The following PLCZ1 variants were observed in gnomAD, a reference collection of about 807,000 sequenced individuals.
PLCZ1 encodes the protein phospholipase C zeta 1, also known as 1-phosphatidylinositol 4,5-bisphosphate phosphodiesterase zeta-1.
PLCZ1 carries 64 observed loss-of-function variants against 76.8 expected under a neutral mutation model. The observed-to-expected ratio is 0.83, with a 90% CI of 0.68 to 1.03. The LOEUF is 1.03. PLCZ1 is among the 50% of genes least tolerant of loss of function. The pLI, the probability that PLCZ1 is intolerant of heterozygous loss-of-function variation, is 0.00. For synonymous variants in PLCZ1, 248 were observed against 230.8 expected, an observed-to-expected ratio of 1.07 and a Z score of -0.68; for missense variants, 751 against 713.7, an observed-to-expected ratio of 1.05 and a Z score of -0.60.
the PLCZ1 span, among the ~76,000 whole-genome samples, chr12:18,650,724 A>G: frequency 0.011 from 217 of 19,210 alleles, 9 homozygotes; most frequent in African/African-American, 0.094. Context: ...ATATATATAT[A>G]TATATATATA....
At chr12:18,686,876 A>G (rs923219647) in intron 13 of PLCZ1, among the ~76,000 whole-genome samples, 8 of 152,102 alleles carry the variant, frequency 5.3e-5, no homozygotes, top group Non-Finnish European at 8.8e-5. Flanking sequence ...ACCAAATTGA[A>G]TTTCTGCAAG....
At chr12:18,708,659 G>A (rs567100679) in intron 6 of PLCZ1, among the ~76,000 whole-genome samples, 4 of 152,016 alleles carry the variant, frequency 2.6e-5, no homozygotes, top group South Asian at 2.1e-4. Flanking sequence ...CCACGCCCTC[G>A]CCAACATTTG....
At chr12:18,700,538 A>AAAAAAAAAAG (rs1370935394) in intron 9 of PLCZ1, among the ~76,000 whole-genome samples, 10 of 135,918 alleles carry the variant, frequency 7.4e-5, no homozygotes, top group South Asian at 4.7e-4. Flanking sequence ...AAAAAAAAAT[A>AAAAAAAAAAG]GTTGCTCTGC....
intron 7 of PLCZ1, among the ~76,000 whole-genome samples, chr12:18,702,175 T>G (rs1225028922): frequency 6.6e-6 from 1 of 152,062 alleles, no homozygotes; most frequent in Non-Finnish European, 1.5e-5. Flanking sequence ...TTAAAAAGTA[T>G]TAAATGAAAT....
At position 18,699,716 on chromosome 12, in the gene PLCZ1, T is replaced by C. The variant is rs934804342; in HGVS notation, c.1174+78A>G. The C allele has an allele frequency of 5.1e-6, 7 of 1,374,398 alleles. No homozygotes were observed. In the Admixed American group the frequency reaches 1.2e-4, roughly 23 times the overall value. 85.1% of individuals were successfully genotyped at this position (1,374,398 alleles called of 1,614,324 possible). A position where few individuals can be genotyped will look rare whatever the true frequency, so the allele number is the denominator to read the frequency against. ...TATGAGAATATACATTTTATAAATA[T>C]CATTGAGCAATCTTAACACCCTAGC... On this transcript the variant is annotated intron_variant, in intron 10 of 14. Transcript: ENST00000266505.
intron 3 of PLCZ1, among the ~76,000 whole-genome samples, chr12:18,723,915 G>T (rs1958598225): frequency 6.6e-6 from 1 of 152,094 alleles, no homozygotes; most frequent in African/African-American, 2.4e-5. Flanking sequence ...ATATGTCAGA[G>T]TGAGTCAGAC....
chr12:18,729,379 T>A (rs1013492570), intron 3 of PLCZ1, among the ~76,000 whole-genome samples: 6 of 152,108 alleles, frequency 3.9e-5, no homozygotes, highest in Non-Finnish European at 5.9e-5. Flanking sequence ...ATTCCCTGTA[T>A]TACCCACGAG....
the PLCZ1 span, among the ~76,000 whole-genome samples, chr12:18,663,349 ATT>A: frequency 6.6e-6 from 1 of 152,140 alleles, no homozygotes; most frequent in Admixed American, 6.5e-5. Context: ...AACTGTTAGA[ATT>A]AATTAATTTA....
intron 12 of PLCZ1, 101 bp from the exon 13 acceptor site, chr12:18,688,319 T>C (rs1190710696): frequency 8.2e-7 from 1 of 1,220,754 alleles, no homozygotes; most frequent in Non-Finnish European, 1.1e-6. Flanking sequence ...TGATGGACTC[T>C]AAGTCAGCTC....
chr12:18,709,531 C>CT (rs34763581), intron 6 of PLCZ1, among the ~76,000 whole-genome samples: 133,719 of 150,452 alleles, frequency 0.89, 59,511 homozygotes, highest in East Asian at 1. Context: ...AATTTTAGGA[C>CT]TTTTTTTTTA....
At chr12:18,705,345 C>T in intron 6 of PLCZ1, 30 bp from the exon 7 acceptor site, 2 of 1,611,402 alleles carry the variant, frequency 1.2e-6, no homozygotes, top group South Asian at 1.1e-5. Flanking sequence ...TATGGTTATT[C>T]ATCAAAACTT....
At position 18,694,980 on chromosome 12, in the gene PLCZ1, A is replaced by G; in HGVS notation, c.1391T>C (p.Leu464Ser). The G allele has an allele frequency of 6.2e-7, 1 of 1,609,394 alleles. No individual in the cohort carries two copies. Among genetic ancestry groups the G allele is most frequent in the Non-Finnish European group, 8.5e-7 (1 of 1,176,076 alleles). Residue 464 changes from leucine (L) to serine (S), a missense_variant, in exon 12 of 15, where the codon TTA becomes TCA. Leu to Ser is a moderately radical substitution (Grantham distance 145, BLOSUM62 -2). Transcript: ENST00000266505. ...GTTAAAGTATGATTTACTCTCTCTT[A>G]AGAAATGTGGTTTCAAAATATATCC... ...GSGYILKPHF[L>S]RESKSYFNPS...
At chr12:18,647,975 A>G in the PLCZ1 span, 1 of 1,600,398 alleles carries the variant, frequency 6.2e-7, no homozygotes, top group Non-Finnish European at 8.5e-7. Flanking sequence ...CCGACTCTGT[A>G]GTGTCCCACT....
the PLCZ1 span, among the ~76,000 whole-genome samples, chr12:18,674,769 C>G: frequency 3.9e-5 from 6 of 152,110 alleles, no homozygotes; most frequent in African/African-American, 1.2e-4. Context: ...TGTATGACTT[C>G]TGTAATGAGT....
In PLCZ1 at chr12:18,723,494, C is replaced by T. The variant is rs768662327; in HGVS notation, c.184G>A (p.Ala62Thr). ...QGRITIEEFR[A>T]IYRIITHREE... Reference sequence around the variant, plus strand: ...CTGTGCGTGATAATTCGATAAATTGCTCTAAATTCTTCTATGGTGATTCTT... The same window carrying T: ...CTGTGCGTGATAATTCGATAAATTGTTCTAAATTCTTCTATGGTGATTCTT... The change falls in exon 4 of 15, where the codon GCA becomes ACA. Residue 62 changes from alanine (A) to threonine (T), a missense_variant. Ala to Thr is a moderately conservative substitution (Grantham distance 58). Coordinates refer to ENST00000266505, the MANE Select transcript of PLCZ1 (RefSeq NM_033123.4). The T allele has an allele frequency of 6.2e-7, 1 of 1,612,816 alleles. No homozygotes were observed. Among genetic ancestry groups the T allele is most frequent in the South Asian group, 1.1e-5 (1 of 91,058 alleles).
chr12:18,671,585 G>GT, the PLCZ1 span, among the ~76,000 whole-genome samples: 1 of 152,124 alleles, frequency 6.6e-6, no homozygotes, highest in Non-Finnish European at 1.5e-5. Context: ...GATTTCTCAG[G>GT]TGTACTAGGC....
intron 3 of PLCZ1, among the ~76,000 whole-genome samples, chr12:18,730,452 A>C (rs964932804): frequency 6.6e-6 from 1 of 152,158 alleles, no homozygotes; most frequent in Non-Finnish European, 1.5e-5. Flanking sequence ...ATAGTTTATC[A>C]TGATTATCAG....
At chr12:18,693,477 TG>T in intron 12 of PLCZ1, 2 of 1,608,098 alleles carry the variant, frequency 1.2e-6, no homozygotes, top group East Asian at 2.2e-5. Context: ...GGTAAAACCT[TG>T]TTAGCCAAAG....
the PLCZ1 span, among the ~76,000 whole-genome samples, chr12:18,677,740 GAAC>G: frequency 2.6e-5 from 4 of 152,064 alleles, no homozygotes; most frequent in Admixed American, 6.6e-5. Context: ...ATAAGGTTAA[GAAC>G]AACTGGTCTA....
Sources: allele counts gnomAD v4.1 joint callset (sites outside exome capture counted in the v4.1 genomes callset), GRCh38; gene constraint gnomAD v4.1.1; transcripts MANE v1.5; gene names NCBI Gene and HGNC (gene_info 2026-07-23, HGNC 2026-07-21).